MBOAT1: variants seen among roughly 807,000 people sequenced by gnomAD.
The protein encoded by MBOAT1 is membrane bound glycerophospholipid O-acyltransferase 1.
In MBOAT1, 67 loss-of-function variants were observed where a neutral mutation model predicts 64.4. That is an observed-to-expected ratio of 1.04 (90% confidence interval 0.85 to 1.27). MBOAT1 has a LOEUF of 1.27. Ranked by LOEUF, MBOAT1 falls within the 50% of genes most tolerant of loss-of-function variation. The pLI is 0.00. For synonymous variants in MBOAT1, 229 were observed against 218.9 expected, an observed-to-expected ratio of 1.05 and a Z score of -0.41; for missense variants, 563 against 604.6, an observed-to-expected ratio of 0.93 and a Z score of 0.72.
chr6:20,123,106 A>T (rs1010495930), intron 8 of MBOAT1, among the ~76,000 whole-genome samples: 2 of 152,132 alleles, frequency 1.3e-5, no homozygotes, highest in Non-Finnish European at 2.9e-5. Flanking sequence ...CTAGGATTAT[A>T]GTCATGAGCC....
intron 1 of MBOAT1, among the ~76,000 whole-genome samples, chr6:20,197,770 A>C (rs1222458936): frequency 6.6e-6 from 1 of 152,264 alleles, no homozygotes; most frequent in African/African-American, 2.4e-5. Flanking sequence ...TGTCGTCAGG[A>C]CCCCCTGAGG....
At chr6:20,111,883 T>TATACAC (rs1581396186) in intron 11 of MBOAT1, among the ~76,000 whole-genome samples, 2 of 140,226 alleles carry the variant, frequency 1.4e-5, no homozygotes, top group Non-Finnish European at 3.0e-5. Flanking sequence ...TATATATGTA[T>TATACAC]ATATATATAT....
At position 20,152,608 on chromosome 6, in the gene MBOAT1, T is replaced by G. The variant is rs778002622; in HGVS notation, c.245+16A>C. 2.5e-6 allele frequency: 4 copies of G among 1,603,684 alleles called. No individual in the cohort carries two copies. The highest frequency in any genetic ancestry group is 3.4e-6 in the Non-Finnish European group (4 of 1,174,612). ...TCCAAATGACCAATATTAGAATATA[T>G]GAGGCTCATACTCACCAGCCGAAAC... On this transcript the variant is annotated intron_variant, in intron 2 of 12. Transcript: ENST00000324607.
At chr6:20,174,583 G>A (rs751328936) in intron 1 of MBOAT1, among the ~76,000 whole-genome samples, 5 of 152,200 alleles carry the variant, frequency 3.3e-5, no homozygotes, top group Non-Finnish European at 7.3e-5. Flanking sequence ...GTGAGCCTAG[G>A]ACATGAGTGT....
chr6:20,157,845 G>A (rs1229874077), intron 1 of MBOAT1, among the ~76,000 whole-genome samples: 1 of 152,072 alleles, frequency 6.6e-6, no homozygotes, highest in Admixed American at 6.5e-5. Flanking sequence ...GAGTAACAAC[G>A]TGGGTGGCCA....
At chr6:20,187,866 C>T (rs1369371756) in intron 1 of MBOAT1, among the ~76,000 whole-genome samples, 1 of 152,138 alleles carries the variant, frequency 6.6e-6, no homozygotes, top group Non-Finnish European at 1.5e-5. Flanking sequence ...GTGGCAAATG[C>T]CTGCAATCCC....
intron 6 of MBOAT1, 110 bp from the exon 7 acceptor site, chr6:20,126,810 G>C (rs919112303): frequency 1.6e-5 from 13 of 793,304 alleles, no homozygotes; most frequent in Admixed American, 3.0e-5. Flanking sequence ...TACATGACAT[G>C]ACCTTTCCTT....
intron 1 of MBOAT1, among the ~76,000 whole-genome samples, chr6:20,176,838 G>A (rs921343597): frequency 6.6e-6 from 1 of 152,116 alleles, no homozygotes; most frequent in African/African-American, 2.4e-5. Context: ...TGGCCAGGCT[G>A]GTCTCGGACT....
At position 20,173,365 on chromosome 6, in the gene MBOAT1, G is replaced by GA. The variant is rs567112167; in HGVS notation, c.100-20597dup. 1.7e-3 allele frequency among the ~76,000 whole-genome samples: 233 copies of GA among 139,992 alleles called. 1 individual carries two copies. The highest frequency in any genetic ancestry group is 2.4e-3 in the African/African-American group (91 of 38,230). The allele number at this position is 139,992 out of a possible 152,430, so 91.8% of individuals were successfully genotyped here. A position where few individuals can be genotyped will look rare whatever the true frequency, so the allele number is the denominator to read the frequency against. ...CTTCTAGATGTCTGCATCCATGAAA[G>GA]AAAAAAAAAAACTTCTGGAAGTTAA... On this transcript the variant is annotated intron_variant, in intron 1 of 12. Transcript: ENST00000324607.
chr6:20,124,302 C>T lies in MBOAT1; in HGVS notation c.907+106G>A, dbSNP rs912863879. 41 of 1,116,676 alleles carry T rather than the reference C, an allele frequency of 3.7e-5. No homozygotes were observed. In the Admixed American group the frequency reaches 6.9e-4, roughly 19 times the overall value. 69.2% of individuals were successfully genotyped at this position (1,116,676 alleles called of 1,614,324 possible). On this transcript the variant is annotated intron_variant, in intron 8 of 12. Coordinates refer to ENST00000324607, the MANE Select transcript of MBOAT1 (RefSeq NM_001080480.3). The stretch of plus-strand genomic sequence containing the variant: ...ACCCTGACTCAACTGCCTCCCATTA[C>T]GTGTTGAGCTTCTTTGATGAAGTGA...
At chr6:20,136,139 C>T (rs1760984598) in intron 4 of MBOAT1, among the ~76,000 whole-genome samples, 2 of 152,144 alleles carry the variant, frequency 1.3e-5, no homozygotes, top group Admixed American at 1.3e-4. Flanking sequence ...TAAGCAACTC[C>T]AGAAGTTGCA....
intron 8 of MBOAT1, among the ~76,000 whole-genome samples, chr6:20,119,611 C>T (rs548695353): frequency 1.4e-4 from 22 of 152,260 alleles, no homozygotes; most frequent in African/African-American, 5.3e-4. Context: ...TGATTTAACA[C>T]TGCTTATCTT....
intron 1 of MBOAT1, among the ~76,000 whole-genome samples, chr6:20,206,436 A>G (rs1362957160): frequency 6.6e-6 from 1 of 152,170 alleles, no homozygotes; most frequent in African/African-American, 2.4e-5. Context: ...GGCCTCCCAA[A>G]GTGCTGGGAT....
chr6:20,188,204 A>G (rs145161676), intron 1 of MBOAT1, among the ~76,000 whole-genome samples: 1 of 152,344 alleles, frequency 6.6e-6, no homozygotes, highest in East Asian at 1.9e-4. Context: ...ATACACACAC[A>G]TAAAAGCTGG....
At chr6:20,117,083 C>T (rs756734697) in intron 9 of MBOAT1, among the ~76,000 whole-genome samples, 5 of 152,204 alleles carry the variant, frequency 3.3e-5, no homozygotes, top group Non-Finnish European at 5.9e-5. Flanking sequence ...ACCTTGTCCA[C>T]TTACAATGTG....
At chr6:20,181,263 G>A (rs530731660) in intron 1 of MBOAT1, among the ~76,000 whole-genome samples, 11 of 152,328 alleles carry the variant, frequency 7.2e-5, no homozygotes, top group Admixed American at 2.0e-4. Context: ...TGGATGGCCA[G>A]AGCATCTCAG....
chr6:20,150,596 T>C (rs1196520887), intron 3 of MBOAT1, among the ~76,000 whole-genome samples: 1 of 146,018 alleles, frequency 6.8e-6, no homozygotes, highest in Non-Finnish European at 1.5e-5. Flanking sequence ...GGAGTTTCCC[T>C]CTGTCACCCA....
intron 3 of MBOAT1, among the ~76,000 whole-genome samples, chr6:20,147,215 T>C (rs1177975421): frequency 6.6e-6 from 1 of 152,260 alleles, no homozygotes; most frequent in Non-Finnish European, 1.5e-5. Flanking sequence ...CTCAGGTATG[T>C]CTTTATCAGC....
chr6:20,170,938 C>T (rs546873195), intron 1 of MBOAT1, among the ~76,000 whole-genome samples: 100 of 151,170 alleles, frequency 6.6e-4, no homozygotes, highest in African/African-American at 2.3e-3. Context: ...ATGATATGCT[C>T]AGGAGCAAGG....
Sources: allele counts gnomAD v4.1 joint callset (sites outside exome capture counted in the v4.1 genomes callset), GRCh38; gene constraint gnomAD v4.1.1; transcripts MANE v1.5; gene names NCBI Gene and HGNC (gene_info 2026-07-23, HGNC 2026-07-21).